ZNF20: variants seen among roughly 807,000 people sequenced by gnomAD.
ZNF20 encodes zinc finger protein 20, also known as zinc finger protein KOX13.
Under a neutral mutation model 11.0 loss-of-function variants are expected in ZNF20, and 9 were observed. The ratio of observed to expected loss-of-function variants is 0.82; its 90% CI spans 0.49 to 1.43. The LOEUF (loss-of-function observed/expected upper bound fraction) is 1.43, where lower values mean the gene tolerates loss of function less well. Ranked by LOEUF, ZNF20 falls within the 40% of genes most tolerant of loss-of-function variation. The pLI, the probability that ZNF20 is intolerant of heterozygous loss-of-function variation, is 0.00. For missense variants in ZNF20, 528 were observed against 640.8 expected (o/e 0.82, Z 1.90); for synonymous variants, 182 against 213.0 (o/e 0.85, Z 1.27).
Position 12,132,791 on chromosome 19 carries a change from G to A in ZNF20, c.1395C>T (p.Ser465=). The change falls in exon 4 of 4, where the codon TCC becomes TCT. Residue 465 remains serine (S), a synonymous_variant. Transcript: ENST00000334213. The part of the protein sequence containing the change: ...VCGKAFTCSS[S]IRYHERTHTG... The stretch of plus-strand genomic sequence containing the variant: ...TGTGAGTCCTTTCATGATATCGAAT[G>A]GAACTGGAACAAGTGAAGGCTTTGC... 1 of 1,613,684 alleles carries A rather than the reference G, an allele frequency of 6.2e-7. No individual in the cohort carries two copies. Among genetic ancestry groups the A allele is most frequent in the Non-Finnish European group, 8.5e-7 (1 of 1,179,912 alleles).
rs375170110 is a variant in ZNF20 at position 12,136,459 on chromosome 19, A to T, written c.4-555T>A. Among the ~76,000 whole-genome samples the T allele has an allele frequency of 7.9e-5, 12 of 152,122 alleles. No homozygotes were observed. In the East Asian group the frequency reaches 2.1e-3, roughly 27 times the overall value. ...CACTTTGGGAGGCCAAGGTGGGCGG[A>T]TCACCTGAGGTCGGGAGTTCGAAAC... On this transcript the variant is annotated intron_variant, in intron 1 of 3. Transcript: ENST00000334213.
In ZNF20 at chr19:12,133,564, A is replaced by C; in HGVS notation, c.622T>G (p.Phe208Val). ...PYKCKFCGKA[F>V]YFLNLCLIHE... ...ATAAGACATAAATTGAGAAAATAGA[A>C]GGCTTTCCCACAAAACTTACATTTA... Residue 208 changes from phenylalanine to valine, a missense_variant, in exon 4 of 4, where the codon TTC (phenylalanine) becomes GTC (valine). By Grantham distance (50) the Phe-to-Val change is conservative (BLOSUM62 -1). Transcript: ENST00000334213. 1 of 1,614,220 alleles carries C rather than the reference A, an allele frequency of 6.2e-7. No individual in the cohort carries two copies.
intron 1 of ZNF20, 113 bp from the exon 2 acceptor site, chr19:12,136,017 C>A: frequency 7.5e-7 from 1 of 1,332,676 alleles, no homozygotes; most frequent in South Asian, 1.5e-5. Flanking sequence ...ATGACTTGGT[C>A]ATCACACCTC....
Position 12,140,264 on chromosome 19 carries a change from G to A in ZNF20, c.-82C>T. On this transcript the variant is annotated 5_prime_UTR_variant, in exon 1 of 4. Coordinates refer to ENST00000334213, the MANE Select transcript of ZNF20 (RefSeq NM_021143.4). ...TCACGGTGCAGGCGGCAGAGCGACA[G>A]AAGTTGTGGCAGAGGGACCCGGGGC... is the stretch of plus-strand genomic sequence containing the variant. The A allele has an allele frequency of 6.4e-7, 1 of 1,559,260 alleles. No individual in the cohort carries two copies. The highest frequency in any genetic ancestry group is 2.4e-5 in the East Asian group (1 of 42,002).
At chr19:12,136,795 T>C in intron 1 of ZNF20, 1 of 407,726 alleles carries the variant, frequency 2.5e-6, no homozygotes, top group Non-Finnish European at 4.8e-6. Context: ...CTGAAAATAG[T>C]GAAACCACGA....
chr19:12,135,736 T>C, intron 2 of ZNF20, 33 bp downstream of exon 2: 1 of 1,610,148 alleles, frequency 6.2e-7, no homozygotes, highest in Non-Finnish European at 8.5e-7. Context: ...ATTTGTTCTC[T>C]AATTCACTGG....
Position 12,131,674 on chromosome 19 carries a change from C to G in ZNF20, c.*913G>C, listed in dbSNP as rs1229291010. The G allele has an allele frequency of 2.0e-5, 3 of 152,230 alleles. No homozygotes were observed. Among genetic ancestry groups the G allele is most frequent in the South Asian group, 4.1e-4 (2 of 4,824 alleles). The allele number at this position is 152,230 out of a possible 1,614,324, so 9.4% of individuals were successfully genotyped here. A position where few individuals can be genotyped will look rare whatever the true frequency, so the allele number is the denominator to read the frequency against. On this transcript the variant is annotated 3_prime_UTR_variant, in exon 4 of 4. Transcript: ENST00000334213. ...CCGGATAACATGGTAACATTATCAA[C>G]TTGATCTAATACATGATGTTAATGG...
chr19:12,133,114 C>T lies in ZNF20; in HGVS notation c.1072G>A (p.Glu358Lys). 2 of 1,613,624 alleles carry T rather than the reference C, an allele frequency of 1.2e-6. No homozygotes were observed. Among genetic ancestry groups the T allele is most frequent in the Non-Finnish European group, 1.7e-6 (2 of 1,179,928 alleles). Residue 358 changes from glutamate to lysine, a missense_variant, in exon 4 of 4, where the codon GAA becomes AAA. By Grantham distance (56) the Glu-to-Lys change is moderately conservative. Coordinates refer to ENST00000334213, the MANE Select transcript of ZNF20 (RefSeq NM_021143.4). ...FRCTSDLQRH[E>K]KTHTEDKPYG... The stretch of plus-strand genomic sequence containing the variant: ...GGTTTATCCTCAGTGTGTGTCTTTT[C>T]ATGCCTTTGAAGGTCCGAGGTACAT...
Position 12,132,673 on chromosome 19 carries a change from G to A in ZNF20, c.1513C>T (p.Pro505Ser). 1.2e-6 allele frequency: 2 copies of A among 1,614,098 alleles called. No individual in the cohort carries two copies. The highest frequency in any genetic ancestry group is 1.7e-6 in the Non-Finnish European group (2 of 1,180,024). Residue 505 changes from proline to serine, a missense_variant, in exon 4 of 4, where the codon CCC (proline) becomes TCC (serine). Coordinates refer to ENST00000334213, the MANE Select transcript of ZNF20 (RefSeq NM_021143.4). ...TTGCCACATTGCTTGCATTGATAGGGTTTCTCTCCAGTGTGAGTCCTTTCA... is the reference window on the plus strand; with the variant it reads ...TTGCCACATTGCTTGCATTGATAGGATTTCTCTCCAGTGTGAGTCCTTTCA... Reference protein sequence around the residue: ...YHERTHTGEKPYQCKQCGKAF... With the variant: ...YHERTHTGEKSYQCKQCGKAF...
intron 1 of ZNF20, chr19:12,136,924 T>C: frequency 2.4e-6 from 1 of 415,784 alleles, no homozygotes; most frequent in South Asian, 1.7e-5. Context: ...CCATATGAAT[T>C]AATTCTAGAG....
chr19:12,138,377 C>T (rs898865110), intron 1 of ZNF20, among the ~76,000 whole-genome samples: 2 of 145,330 alleles, frequency 1.4e-5, no homozygotes, highest in Admixed American at 7.1e-5. Context: ...ACCTGGGAGG[C>T]GGAGGTTGCA....
At chr19:12,136,345 C>T (rs990514779) in intron 1 of ZNF20, among the ~76,000 whole-genome samples, 7 of 151,790 alleles carry the variant, frequency 4.6e-5, no homozygotes, top group East Asian at 1.9e-4. Context: ...CACTGCACTC[C>T]GGCCTGGGCG....
rs1242567821 is a variant in ZNF20 at position 12,135,506 on chromosome 19, T to C, written c.194A>G (p.Asn65Ser). The change falls in exon 3 of 4, where the codon AAT (asparagine) becomes AGT (serine). Residue 65 changes from asparagine (N) to serine (S), a missense_variant. By Grantham distance (46) the Asn-to-Ser change is conservative. Transcript: ENST00000334213. ...TCTTGCGAGAGAAAATTACCTTAGATTTCTCCTGGGATTTTTGTACTCATC... is the reference window on the plus strand; with the variant it reads ...TCTTGCGAGAGAAAATTACCTTAGACTTCTCCTGGGATTTTTGTACTCATC... Reference protein sequence around the residue: ...IEDEYKNPRRNLSLMREKLCE... With the variant: ...IEDEYKNPRRSLSLMREKLCE... The C allele has an allele frequency of 2.5e-6, 4 of 1,613,642 alleles. No homozygotes were observed. In the East Asian group the frequency reaches 8.9e-5, roughly 36 times the overall value.
chr19:12,133,151 ACCACATTG>A lies in ZNF20; in HGVS notation c.1027_1034del (p.Gln343Ter), dbSNP rs1976651932. On this transcript the variant is annotated frameshift_variant, in exon 4 of 4. Transcript: ENST00000334213. LOFTEE classifies it low-confidence loss of function (END_TRUNC). ...GGTCCGAGGTACATCTGAAGGCTTT[ACCACATTG>A]CCTACATTCATAGGGTTTCTCTCCA... The A allele has an allele frequency of 6.2e-7, 1 of 1,611,054 alleles. No homozygotes were observed. The highest frequency in any genetic ancestry group is 1.4e-5 in the African/African-American group (1 of 73,870).
chr19:12,138,650 A>G (rs917168669), intron 1 of ZNF20, among the ~76,000 whole-genome samples: 7 of 152,106 alleles, frequency 4.6e-5, no homozygotes, highest in Non-Finnish European at 2.9e-5. Flanking sequence ...AACCACTAAA[A>G]TACTGCATCT....
rs1360061173 is a variant in ZNF20 at position 12,140,291 on chromosome 19, T to C, written c.-109A>G. 1.4e-6 allele frequency: 2 copies of C among 1,434,206 alleles called. No individual in the cohort carries two copies. Among genetic ancestry groups the C allele is most frequent in the South Asian group, 1.2e-5 (1 of 81,982 alleles). The allele number at this position is 1,434,206 out of a possible 1,614,324, so 88.8% of individuals were successfully genotyped here. A position where few individuals can be genotyped will look rare whatever the true frequency, so the allele number is the denominator to read the frequency against. On this transcript the variant is annotated 5_prime_UTR_variant, in exon 1 of 4. Transcript: ENST00000334213. ...AGTTGTGGCAGAGGGACCCGGGGCC[T>C]CTCGGAGTAGGAAATCTGGTATCCC...
At position 12,139,720 on chromosome 19, in the gene ZNF20, C is replaced by CG; in HGVS notation, c.3+459dup. On this transcript the variant is annotated intron_variant, in intron 1 of 3. Coordinates refer to ENST00000334213, the MANE Select transcript of ZNF20 (RefSeq NM_021143.4). This position sits in a 1 kb window ranked among gnomAD's most constrained non-coding sequence, Gnocchi z 4.0. ...TAATTTTTTGTATTTTTAGTAGAGA[C>CG]GGGGTTTCACTGTGTTAGCCTGGAT... Among the ~76,000 whole-genome samples, 1 of 151,860 alleles carries CG rather than the reference C, an allele frequency of 6.6e-6. No homozygotes were observed. The highest frequency in any genetic ancestry group is 1.9e-4 in the East Asian group (1 of 5,160).
At chr19:12,137,169 G>A (rs1245684748) in intron 1 of ZNF20, 5 of 160,316 alleles carry the variant, frequency 3.1e-5, no homozygotes, top group Non-Finnish European at 6.8e-5. Context: ...AGCCGGGTGT[G>A]TGCGTGCCTG....
intron 2 of ZNF20, 71 bp from the exon 3 acceptor site, chr19:12,135,631 G>A (rs1303522588): frequency 5.0e-6 from 8 of 1,590,714 alleles, no homozygotes; most frequent in Non-Finnish European, 6.0e-6. Context: ...ATTAGATTCT[G>A]TATTCATGGT....
Sources: gnomAD v4.1 joint callset for allele counts (sites outside exome capture counted in the v4.1 genomes callset) on GRCh38, gnomAD v4.1.1 for gene constraint, Gnocchi (gnomAD v3.1) non-coding constraint, MANE v1.5 for transcripts, NCBI Gene and HGNC (gene_info 2026-07-23, HGNC 2026-07-21) for gene names.